The following DOCK10 variants were observed in gnomAD, a reference collection of about 807,000 sequenced individuals.
The protein encoded by DOCK10 is dedicator of cytokinesis protein 10.
A neutral mutation model predicts 280.1 loss-of-function variants in DOCK10; 145 were observed. The observed-to-expected ratio is 0.52, with a 90% confidence interval of 0.45 to 0.59. The LOEUF (loss-of-function observed/expected upper bound fraction) is 0.59. DOCK10 is among the 20% of genes least tolerant of loss of function. The pLI, the probability that DOCK10 is intolerant of heterozygous loss-of-function variation, is 0.00. For missense variants in DOCK10, 2,368 were observed against 2,651.7 expected (o/e 0.89, Z 2.35); for synonymous variants, 915 against 942.2 (o/e 0.97, Z 0.53).
At chr2:224,834,337 T>A in intron 25 of DOCK10, 74 bp from the exon 26 acceptor site, 1 of 874,710 alleles carries the variant, frequency 1.1e-6, no homozygotes, top group Non-Finnish European at 1.9e-6. Context: ...GTCATGTGAA[T>A]AACTTATGTC....
chr2:224,886,407 G>C (rs1266559907), intron 5 of DOCK10, 52 bp downstream of exon 5: 2 of 1,558,482 alleles, frequency 1.3e-6, no homozygotes, highest in African/African-American at 2.7e-5. Context: ...GTGCAAGACA[G>C]AAACTAATTA....
intron 1 of DOCK10, among the ~76,000 whole-genome samples, chr2:224,974,299 A>G (rs560520580): frequency 1.3e-5 from 2 of 152,318 alleles, no homozygotes; most frequent in South Asian, 4.1e-4. Flanking sequence ...AAAAACTAAA[A>G]TACGTTCCAG....
chr2:224,847,335 A>G (rs1425155422), intron 19 of DOCK10, among the ~76,000 whole-genome samples: 1 of 152,192 alleles, frequency 6.6e-6, no homozygotes, highest in Non-Finnish European at 1.5e-5. Context: ...GTTACTGTGC[A>G]GGTGGTGTGG....
chr2:224,921,325 T>C (rs1016922745), intron 2 of DOCK10, among the ~76,000 whole-genome samples: 1 of 150,524 alleles, frequency 6.6e-6, no homozygotes, highest in Non-Finnish European at 1.5e-5. Flanking sequence ...ATAATAATAC[T>C]AACGTGAACA....
At chr2:225,030,577 AC>A (rs1690048393) in intron 1 of DOCK10, among the ~76,000 whole-genome samples, 1 of 152,170 alleles carries the variant, frequency 6.6e-6, no homozygotes, top group Non-Finnish European at 1.5e-5. Context: ...TGCGTGTGCT[AC>A]CCAGGCGCCC....
intron 1 of DOCK10, among the ~76,000 whole-genome samples, chr2:225,012,372 T>C (rs1035586140): frequency 6.6e-6 from 1 of 152,262 alleles, no homozygotes; most frequent in African/African-American, 2.4e-5. Context: ...CAGGCATGCA[T>C]GTCAATTAGG....
chr2:224,936,029 A>G (rs1264552400), intron 1 of DOCK10, among the ~76,000 whole-genome samples: 1 of 152,188 alleles, frequency 6.6e-6, no homozygotes, highest in Non-Finnish European at 1.5e-5. Context: ...ATACCCAATG[A>G]GTGAAGACTC....
chr2:224,885,746 G>T lies in DOCK10; in HGVS notation c.672C>A (p.Asn224Lys). 6.2e-7 allele frequency: 1 copy of T among 1,613,732 alleles called. No homozygotes were observed. Among genetic ancestry groups the T allele is most frequent in the Non-Finnish European group, 8.5e-7 (1 of 1,179,804 alleles). The change falls in exon 7 of 56, where the codon AAC (asparagine) becomes AAA (lysine). Residue 224 changes from asparagine (N) to lysine (K), a missense_variant. Physicochemically the swap from Asn to Lys is moderately conservative, Grantham distance 94 (BLOSUM62 0). Coordinates refer to ENST00000258390, the MANE Select transcript of DOCK10 (RefSeq NM_014689.3). ...TQLPDNSYIM[N>K]FYKDEKISKE... ...TGGATATTTTCTCATCTTTGTAAAA[G>T]TTCATAATGTAGGAGTTATCTGGTA...
chr2:224,896,443 G>A lies in DOCK10; in HGVS notation c.334-66C>T, dbSNP rs75823398. On this transcript the variant is annotated intron_variant, in intron 3 of 55. Coordinates refer to ENST00000258390, the MANE Select transcript of DOCK10 (RefSeq NM_014689.3). ...TCATTAAAAGGCTGGGCGCGGTGGCGCTTGCCTGTAATCCCAGCACTTTGA... is the reference window on the plus strand; with the variant it reads ...TCATTAAAAGGCTGGGCGCGGTGGCACTTGCCTGTAATCCCAGCACTTTGA... The A allele has an allele frequency of 3.4e-4, 354 of 1,032,430 alleles. 4 individuals carry two copies. In the East Asian group the frequency reaches 8.8e-3, roughly 26 times the overall value. The allele number at this position is 1,032,430 out of a possible 1,614,324, so 64.0% of individuals were successfully genotyped here.
In DOCK10 at chr2:224,797,756, G is replaced by C. The variant is rs796378331; in HGVS notation, c.4644+76C>G. 7.4e-6 allele frequency: 11 copies of C among 1,487,724 alleles called. No homozygotes were observed. The African/African-American group carries it at 1.6e-4, about 21-fold the overall frequency. The allele number at this position is 1,487,724 out of a possible 1,614,324, so 92.2% of individuals were successfully genotyped here. On this transcript the variant is annotated intron_variant, in intron 42 of 55. Coordinates refer to ENST00000258390, the MANE Select transcript of DOCK10 (RefSeq NM_014689.3). ...CTTCCCTCCCTACTGAGAAACGCAA[G>C]GATTCCTATAGGTTTACTATTCTAT...
Position 224,896,393 on chromosome 2 carries a change from A to G in DOCK10, c.334-16T>C. Reference sequence around the variant, plus strand: ...ATTTACAAGCCTGAAAGAAAGAAAAATGACAATTATTAATATAAAAATTAT... The same window carrying G: ...ATTTACAAGCCTGAAAGAAAGAAAAGTGACAATTATTAATATAAAAATTAT... On this transcript the variant is annotated splice_polypyrimidine_tract_variant and intron_variant, in intron 3 of 55. Transcript: ENST00000258390. 6.8e-7 allele frequency: 1 copy of G among 1,473,174 alleles called. No individual in the cohort carries two copies. The highest frequency in any genetic ancestry group is 9.4e-7 in the Non-Finnish European group (1 of 1,068,206). The allele number at this position is 1,473,174 out of a possible 1,614,324, so 91.3% of individuals were successfully genotyped here.
At position 224,825,023 on chromosome 2, in the gene DOCK10, A is replaced by T. The variant is rs144387364; in HGVS notation, c.3037-1376T>A. ...GAGATGGAGTTTCGCTCTGTTGTCC[A>T]GGCTGGAGTGCAGTGGTACGATCTC... On this transcript the variant is annotated intron_variant, in intron 27 of 55. Transcript: ENST00000258390. 3.3e-3 allele frequency among the ~76,000 whole-genome samples: 456 copies of T among 138,020 alleles called. 4 individuals carry two copies. Among genetic ancestry groups the T allele is most frequent in the South Asian group, 7.0e-3 (31 of 4,454 alleles). 90.5% of individuals were successfully genotyped at this position (138,020 alleles called of 152,430 possible).
intron 4 of DOCK10, among the ~76,000 whole-genome samples, chr2:224,889,584 T>C (rs545659689): frequency 4.0e-3 from 608 of 152,334 alleles, no homozygotes; most frequent in Non-Finnish European, 6.4e-3. Context: ...TTTCTTCTTG[T>C]AGAGTCTTAG....
chr2:224,905,347 A>G (rs1029641443), intron 3 of DOCK10, among the ~76,000 whole-genome samples: 11 of 145,688 alleles, frequency 7.6e-5, no homozygotes, highest in African/African-American at 2.9e-4. Flanking sequence ...TCCCGGGTTC[A>G]CGCCATTCTC....
intron 1 of DOCK10, among the ~76,000 whole-genome samples, chr2:224,995,017 C>T (rs374837597): frequency 5.9e-5 from 9 of 152,284 alleles, no homozygotes; most frequent in East Asian, 3.9e-4. Flanking sequence ...TGCCCTCCCA[C>T]GGTTCACACA....
chr2:224,777,511 C>T (rs1023848276), intron 51 of DOCK10, among the ~76,000 whole-genome samples: 1 of 152,216 alleles, frequency 6.6e-6, no homozygotes, highest in African/African-American at 2.4e-5. Context: ...CTTCTAACAT[C>T]AGACTCCAAG....
chr2:224,934,582 C>T (rs141833006), intron 1 of DOCK10, among the ~76,000 whole-genome samples: 30 of 152,282 alleles, frequency 2.0e-4, no homozygotes, highest in East Asian at 3.9e-4. Flanking sequence ...TAGTTCTGTC[C>T]GCAGCAAGGG....
chr2:224,806,092 T>C, intron 34 of DOCK10, 34 bp downstream of exon 34: 1 of 1,308,574 alleles, frequency 7.6e-7, no homozygotes, highest in African/African-American at 1.5e-5. Context: ...TGGATGAGTG[T>C]TAAAAATAAG....
intron 1 of DOCK10, among the ~76,000 whole-genome samples, chr2:224,985,303 G>A (rs1206369675): frequency 2.0e-5 from 3 of 151,774 alleles, no homozygotes; most frequent in Non-Finnish European, 4.4e-5. Context: ...CTAACAATTC[G>A]TAAGGCTAAA....
Sources: gnomAD v4.1 joint callset for allele counts (sites outside exome capture counted in the v4.1 genomes callset) on GRCh38, gnomAD v4.1.1 for gene constraint, MANE v1.5 for transcripts, NCBI Gene and HGNC (gene_info 2026-07-23, HGNC 2026-07-21) for gene names.